The following IQGAP2 variants were observed in gnomAD, a reference collection of about 807,000 sequenced individuals.
The protein encoded by IQGAP2 is IQ motif containing GTPase activating protein 2, also known as ras GTPase-activating-like protein IQGAP2.
In IQGAP2, 173 loss-of-function variants were observed where a neutral mutation model predicts 201.3. The ratio of observed to expected loss-of-function variants is 0.86; its 90% CI spans 0.76 to 0.98. The LOEUF (loss-of-function observed/expected upper bound fraction) is 0.98, where lower values mean the gene tolerates loss of function less well. Ranked by LOEUF, IQGAP2 falls within the 50% of genes least tolerant of loss-of-function variation. The pLI, the probability that IQGAP2 is intolerant of heterozygous loss-of-function variation, is 0.00. For missense variants in IQGAP2, 1,687 were observed against 1,864.8 expected, an observed-to-expected ratio of 0.90 and a Z score of 1.76; for synonymous variants, 675 against 673.9, an observed-to-expected ratio of 1.00 and a Z score of -0.03.
chr5:76,467,598 A>AC (rs1491092630), intron 2 of IQGAP2, among the ~76,000 whole-genome samples: 1 of 152,226 alleles, frequency 6.6e-6, no homozygotes, highest in African/African-American at 2.4e-5. Flanking sequence ...AAAAAATTAA[A>AC]CAGAGTTACC....
At chr5:76,498,308 T>C (rs79274733) in intron 2 of IQGAP2, among the ~76,000 whole-genome samples, 3,678 of 152,320 alleles carry the variant, frequency 0.024, 152 homozygotes, top group African/African-American at 0.084. Flanking sequence ...TTTCAATGTT[T>C]TTGTAGTTCT....
In IQGAP2 at chr5:76,611,021, A is replaced by G. The variant is rs370560776; in HGVS notation, c.1359A>G (p.Arg453=). Residue 453 remains arginine, a splice_region_variant and synonymous_variant, in exon 13 of 36, where the codon CGA becomes CGG. Transcript: ENST00000274364. The part of the protein sequence containing the change: ...VNAQIQEEND[R]VVAVGYINEA... ...GAAAACTACTTCTTCATTTTCTAGG[A>G]GTTGTAGCTGTAGGGTACATCAATG... 6.9e-6 allele frequency: 11 copies of G among 1,605,380 alleles called. No homozygotes were observed. In the African/African-American group the frequency reaches 1.3e-4, roughly 20 times the overall value.
intron 1 of IQGAP2, among the ~76,000 whole-genome samples, chr5:76,436,939 A>G (rs774817946): frequency 1.3e-5 from 2 of 152,008 alleles, no homozygotes; most frequent in Non-Finnish European, 2.9e-5. Flanking sequence ...GTATACATAC[A>G]TTTATATGTA....
At chr5:76,663,723 G>A (rs1743479344) in intron 21 of IQGAP2, among the ~76,000 whole-genome samples, 1 of 151,836 alleles carries the variant, frequency 6.6e-6, no homozygotes, top group Non-Finnish European at 1.5e-5. Flanking sequence ...TGTAGAGATG[G>A]GGTCTTGCTC....
intron 5 of IQGAP2, among the ~76,000 whole-genome samples, chr5:76,580,343 C>T (rs578121419): frequency 5.3e-5 from 8 of 151,662 alleles, no homozygotes; most frequent in African/African-American, 1.9e-4. Flanking sequence ...GAGGCTGAGG[C>T]AGGAGAATAG....
Position 76,542,405 on chromosome 5 carries a change from T to G in IQGAP2, c.147-19991T>G, listed in dbSNP as rs181858933. On this transcript the variant is annotated intron_variant, in intron 2 of 35. Transcript: ENST00000274364. The stretch of plus-strand genomic sequence containing the variant: ...AGCTGTGAGCTAGAGCCAAGTTGCT[T>G]ACAGCCCCCACCCAGCCAGCTTCGT... Among the ~76,000 whole-genome samples the G allele has an allele frequency of 5.9e-5, 9 of 152,340 alleles. No homozygotes were observed. The East Asian group carries it at 1.7e-3, about 29-fold the overall frequency.
chr5:76,619,700 A>G (rs1423626803), intron 13 of IQGAP2, among the ~76,000 whole-genome samples: 1 of 151,690 alleles, frequency 6.6e-6, no homozygotes, highest in African/African-American at 2.4e-5. Context: ...GTATTTTTTT[A>G]GTAGAGACAG....
intron 4 of IQGAP2, among the ~76,000 whole-genome samples, chr5:76,574,276 A>G (rs1281156569): frequency 1.3e-5 from 2 of 152,086 alleles, no homozygotes; most frequent in Non-Finnish European, 2.9e-5. Context: ...CCTCACTCTG[A>G]AATCTGTTTC....
At chr5:76,545,710 A>G (rs975089512) in intron 2 of IQGAP2, among the ~76,000 whole-genome samples, 10 of 152,136 alleles carry the variant, frequency 6.6e-5, no homozygotes, top group African/African-American at 2.4e-4. Flanking sequence ...GTAGGGCCAA[A>G]CTGAGATTTG....
rs144383035 is a variant in IQGAP2, at chr5:76,407,650, G to A, written c.46+4059G>A. ...GGTCAACAGCTAAAGTGTTATTTTAGTATGGTTTTAACTTTAATTACACAT... is the reference window on the plus strand; with the variant it reads ...GGTCAACAGCTAAAGTGTTATTTTAATATGGTTTTAACTTTAATTACACAT... On this transcript the variant is annotated intron_variant, in intron 1 of 35. Coordinates refer to ENST00000274364, the MANE Select transcript of IQGAP2 (RefSeq NM_006633.5). 3.3e-5 allele frequency among the ~76,000 whole-genome samples: 5 copies of A among 152,326 alleles called. No homozygotes were observed. In the East Asian group the frequency reaches 9.6e-4, roughly 29 times the overall value.
chr5:76,538,635 A>T (rs527822278), intron 2 of IQGAP2, among the ~76,000 whole-genome samples: 1 of 152,304 alleles, frequency 6.6e-6, no homozygotes, highest in Admixed American at 6.5e-5. Context: ...GGGGCTAAAA[A>T]CATGAAATGG....
At chr5:76,674,988 C>G (rs1297517955) in intron 27 of IQGAP2, among the ~76,000 whole-genome samples, 1 of 152,180 alleles carries the variant, frequency 6.6e-6, no homozygotes, top group African/African-American at 2.4e-5. Flanking sequence ...ACTTGTTCTT[C>G]CTTGTATGCT....
intron 1 of IQGAP2, among the ~76,000 whole-genome samples, chr5:76,416,297 G>C (rs1751400976): frequency 6.6e-6 from 1 of 152,220 alleles, no homozygotes; most frequent in Non-Finnish European, 1.5e-5. Context: ...AATTGGAAGG[G>C]AAACATTTGT....
intron 2 of IQGAP2, among the ~76,000 whole-genome samples, chr5:76,480,272 TG>T (rs772545026): frequency 6.6e-6 from 1 of 152,210 alleles, no homozygotes; most frequent in Non-Finnish European, 1.5e-5. Context: ...CTGTTCTGGA[TG>T]GAGCTGAGCT....
chr5:76,697,558 C>A (rs1257992903), intron 32 of IQGAP2, among the ~76,000 whole-genome samples: 1 of 152,134 alleles, frequency 6.6e-6, no homozygotes, highest in Non-Finnish European at 1.5e-5. Context: ...GCAGGAGAAT[C>A]GCTTGAACCT....
At chr5:76,455,063 G>A (rs956551463) in intron 1 of IQGAP2, among the ~76,000 whole-genome samples, 11 of 152,132 alleles carry the variant, frequency 7.2e-5, no homozygotes, top group African/African-American at 2.2e-4. Context: ...TTACACAGCG[G>A]ACCAAATGAA....
intron 2 of IQGAP2, among the ~76,000 whole-genome samples, chr5:76,475,089 T>C (rs1423704970): frequency 6.6e-6 from 1 of 152,108 alleles, no homozygotes; most frequent in African/African-American, 2.4e-5. Flanking sequence ...TGGCTGAGGC[T>C]GTCTCAGCTC....
rs143341478 is a variant in IQGAP2 at position 76,515,979 on chromosome 5, G to A, written c.147-46417G>A. The stretch of plus-strand genomic sequence containing the variant: ...TGCAGCCTTGACCTCCCAGGCTCAA[G>A]CAATTGTTCCACTTCAGCCTCTTGA... On this transcript the variant is annotated intron_variant, in intron 2 of 35. Coordinates refer to ENST00000274364, the MANE Select transcript of IQGAP2 (RefSeq NM_006633.5). Among the ~76,000 whole-genome samples, 9 of 147,754 alleles carry A rather than the reference G, an allele frequency of 6.1e-5. 1 individual carries two copies. The highest frequency in any genetic ancestry group is 7.6e-5 in the African/African-American group (3 of 39,610).
At chr5:76,497,677 A>G (rs1460476867) in intron 2 of IQGAP2, among the ~76,000 whole-genome samples, 5 of 152,162 alleles carry the variant, frequency 3.3e-5, no homozygotes, top group Non-Finnish European at 4.4e-5. Flanking sequence ...TCTCCTCTGT[A>G]TGGGAGAATG....
Sources: allele counts gnomAD v4.1 joint callset (sites outside exome capture counted in the v4.1 genomes callset), GRCh38; gene constraint gnomAD v4.1.1; transcripts MANE v1.5; gene names NCBI Gene and HGNC (gene_info 2026-07-23, HGNC 2026-07-21).